Variants in IGF1R observed in about 807,000 individuals in gnomAD.
IGF1R encodes insulin-like growth factor 1 receptor.
Under a neutral mutation model 144.6 loss-of-function variants are expected in IGF1R, and 44 were observed. The observed-to-expected ratio is 0.30, with a 90% CI of 0.24 to 0.39. The LOEUF (loss-of-function observed/expected upper bound fraction) is 0.39, where lower values mean the gene tolerates loss of function less well. Ranked by LOEUF, IGF1R falls within the 10% of genes least tolerant of loss-of-function variation. IGF1R has a pLI of 1.00. For synonymous variants in IGF1R, 795 were observed against 722.8 expected, an observed-to-expected ratio of 1.10 and a Z score of -1.60; for missense variants, 1,355 against 1,833.7, an observed-to-expected ratio of 0.74 and a Z score of 4.77.
In IGF1R at chr15:98,707,185, G is replaced by T. The variant is rs921233382; in HGVS notation, c.95-377G>T. On this transcript the variant is annotated intron_variant, in intron 1 of 20. Transcript: ENST00000650285. This position sits in a 1 kb window ranked among gnomAD's most constrained non-coding sequence, Gnocchi z 6.7. ...TGTCGTTCAGGCCTTGGCAACTGAC[G>T]CTCTGCAGAACGGACCAGGAGTGTG... Among the ~76,000 whole-genome samples, 1 of 152,184 alleles carries T rather than the reference G, an allele frequency of 6.6e-6. No homozygotes were observed. Among genetic ancestry groups the T allele is most frequent in the Non-Finnish European group, 1.5e-5 (1 of 68,032 alleles).
intron 2 of IGF1R, among the ~76,000 whole-genome samples, chr15:98,823,031 TAGC>T (rs2056830413): frequency 6.6e-6 from 1 of 152,212 alleles, no homozygotes; most frequent in African/African-American, 2.4e-5. Flanking sequence ...ACTCAAAGCT[TAGC>T]AGCCACCTTT....
At chr15:98,859,047 A>C (rs2011995431) in intron 2 of IGF1R, among the ~76,000 whole-genome samples, 1 of 151,986 alleles carries the variant, frequency 6.6e-6, no homozygotes, top group Non-Finnish European at 1.5e-5. Flanking sequence ...TTAGCTTCTC[A>C]TCTAAGCAAG....
At chr15:98,923,116 T>C (rs912152198) in intron 11 of IGF1R, among the ~76,000 whole-genome samples, 4 of 152,204 alleles carry the variant, frequency 2.6e-5, no homozygotes, top group Non-Finnish European at 5.9e-5. Flanking sequence ...CTGCCTCAGT[T>C]TCCTTAGCCC....
At chr15:98,763,494 T>C (rs2055358701) in intron 2 of IGF1R, among the ~76,000 whole-genome samples, 1 of 151,834 alleles carries the variant, frequency 6.6e-6, no homozygotes, top group Non-Finnish European at 1.5e-5. Flanking sequence ...ACAAAGAATG[T>C]GTCCTTGTCT....
At chr15:98,905,519 C>G (rs540513664) in intron 5 of IGF1R, among the ~76,000 whole-genome samples, 5 of 151,498 alleles carry the variant, frequency 3.3e-5, no homozygotes, top group African/African-American at 1.2e-4. Context: ...GAAAAATTAA[C>G]CAAGCATGGT....
At chr15:98,768,784 C>T (rs1347158120) in intron 2 of IGF1R, among the ~76,000 whole-genome samples, 15 of 30,566 alleles carry the variant, frequency 4.9e-4, no homozygotes, top group Non-Finnish European at 8.5e-4. Context: ...AAAAAAAAGC[C>T]GGGCGCGGTG....
intron 2 of IGF1R, among the ~76,000 whole-genome samples, chr15:98,814,894 T>C (rs919119370): frequency 6.6e-6 from 1 of 152,192 alleles, no homozygotes. Flanking sequence ...CTTATATCTG[T>C]GGGGGAAAAT....
intron 1 of IGF1R, among the ~76,000 whole-genome samples, chr15:98,691,598 G>A (rs28699689): frequency 0.14 from 20,920 of 151,866 alleles, 2,959 homozygotes; most frequent in African/African-American, 0.36. Context: ...TCCTGACCTC[G>A]GGTGATTGCC....
intron 1 of IGF1R, among the ~76,000 whole-genome samples, chr15:98,657,823 T>TC (rs2052519813): frequency 6.6e-6 from 1 of 152,230 alleles, no homozygotes; most frequent in African/African-American, 2.4e-5. Flanking sequence ...CTGCAGCCTG[T>TC]CCTTTTCTGG....
intron 1 of IGF1R, among the ~76,000 whole-genome samples, chr15:98,676,737 C>T (rs1234896376): frequency 6.6e-6 from 1 of 152,096 alleles, no homozygotes; most frequent in African/African-American, 2.4e-5. Context: ...ATTTGAATTA[C>T]TCATTCAAGG....
At chr15:98,803,505 T>TATTTATTTATTTA in intron 2 of IGF1R, among the ~76,000 whole-genome samples, 1 of 150,818 alleles carries the variant, frequency 6.6e-6, no homozygotes, top group East Asian at 2.0e-4. Context: ...ACATTTTATT[T>TATTTATTTATTTA]ATTTATTTAT....
intron 20 of IGF1R, among the ~76,000 whole-genome samples, chr15:98,952,580 T>A (rs1423904736): frequency 6.6e-6 from 1 of 152,024 alleles, no homozygotes; most frequent in Non-Finnish European, 1.5e-5. Context: ...TGGTTTAGGG[T>A]GGGTGAGGGA....
chr15:98,713,790 A>G (rs912659409), intron 2 of IGF1R, among the ~76,000 whole-genome samples: 2 of 152,194 alleles, frequency 1.3e-5, no homozygotes, highest in Non-Finnish European at 2.9e-5. Context: ...AAACCCCAAC[A>G]AAACCTAAGA....
At position 98,836,887 on chromosome 15, in the gene IGF1R, A is replaced by C. The variant is rs187732906; in HGVS notation, c.641-54438A>C. Among the ~76,000 whole-genome samples the C allele has an allele frequency of 3.8e-3, 576 of 152,336 alleles. 3 individuals carry two copies. Among genetic ancestry groups the C allele is most frequent in the African/African-American group, 0.013 (535 of 41,554 alleles). On this transcript the variant is annotated intron_variant, in intron 2 of 20. Transcript: ENST00000650285. ...TTTATACATTTTGGGGAAGACTACT[A>C]CAAGATTGACATTGCATCTCAGTGC...
At position 98,854,948 on chromosome 15, in the gene IGF1R, C is replaced by G. The variant is rs533649955; in HGVS notation, c.641-36377C>G. 2.6e-3 allele frequency among the ~76,000 whole-genome samples: 392 copies of G among 152,206 alleles called. 1 individual carries two copies. The highest frequency in any genetic ancestry group is 9.0e-3 in the African/African-American group (374 of 41,498). On this transcript the variant is annotated intron_variant, in intron 2 of 20. Transcript: ENST00000650285. ...CTCACTCCCTCCACCCCTGCCCCCC[C>G]CAACACATGTGGAGTACCTTACCCT...
chr15:98,650,106 C>T (rs949020912), intron 1 of IGF1R, among the ~76,000 whole-genome samples: 83 of 152,142 alleles, frequency 5.5e-4, no homozygotes, highest in Non-Finnish European at 9.3e-4. Flanking sequence ...CGACAGCACC[C>T]TGGGCCGCAC....
At chr15:98,736,737 G>A (rs2054619680) in intron 2 of IGF1R, among the ~76,000 whole-genome samples, 1 of 151,022 alleles carries the variant, frequency 6.6e-6, no homozygotes, top group Non-Finnish European at 1.5e-5. Flanking sequence ...TCGGCCTCCT[G>A]ATTAGCTGGG....
At chr15:98,666,397 G>C (rs2052739271) in intron 1 of IGF1R, among the ~76,000 whole-genome samples, 1 of 152,094 alleles carries the variant, frequency 6.6e-6, no homozygotes, top group African/African-American at 2.4e-5. Context: ...CCAAAAAGAA[G>C]TGAAAGCAGG....
intron 2 of IGF1R, among the ~76,000 whole-genome samples, chr15:98,836,670 T>C (rs2057109478): frequency 6.6e-6 from 1 of 152,204 alleles, no homozygotes; most frequent in Non-Finnish European, 1.5e-5. Flanking sequence ...TCACCAGTTT[T>C]CCCACTAATA....
Sources: gnomAD v4.1 joint callset for allele counts (sites outside exome capture counted in the v4.1 genomes callset) on GRCh38, gnomAD v4.1.1 for gene constraint, Gnocchi (gnomAD v3.1) non-coding constraint, MANE v1.5 for transcripts, NCBI Gene and HGNC (gene_info 2026-07-23, HGNC 2026-07-21) for gene names.